The following ALCAM variants were observed in gnomAD, a reference collection of about 807,000 sequenced individuals.
The protein encoded by ALCAM is CD166 antigen.
Under a neutral mutation model 70.9 loss-of-function variants are expected in ALCAM, and 30 were observed. That is an observed-to-expected ratio of 0.42 (90% confidence interval 0.32 to 0.57). ALCAM has a LOEUF of 0.57. ALCAM is among the 20% of genes least tolerant of loss of function. The probability of loss-of-function intolerance (pLI) is 0.11; values close to 1 mark genes in which losing one functional copy is unlikely to be tolerated. For synonymous variants in ALCAM, 249 were observed against 242.5 expected (o/e 1.03, Z -0.25); for missense variants, 591 against 695.1 (o/e 0.85, Z 1.68).
intron 14 of ALCAM, among the ~76,000 whole-genome samples, chr3:105,562,191 C>T (rs943168532): frequency 6.6e-6 from 1 of 152,314 alleles, no homozygotes; most frequent in East Asian, 1.9e-4. Context: ...GATAAGAAAA[C>T]CTGTGTAACT....
At position 105,574,646 on chromosome 3, in the gene ALCAM, A is replaced by G. The variant is rs903318303; in HGVS notation, c.*195A>G. 6.6e-6 allele frequency: 1 copy of G among 152,600 alleles called. No homozygotes were observed. The highest frequency in any genetic ancestry group is 2.4e-5 in the African/African-American group (1 of 41,450). The allele number at this position is 152,600 out of a possible 1,614,324, so 9.5% of individuals were successfully genotyped here. On this transcript the variant is annotated 3_prime_UTR_variant, in exon 16 of 16. Coordinates refer to ENST00000306107, the MANE Select transcript of ALCAM (RefSeq NM_001627.4). ...TAAAACAAATGAAATTTAATTACAA[A>G]CAATAAGAACAAGTTTTGGCAGCCA...
rs576502345 is a variant in ALCAM, at chr3:105,368,504, A to G, written c.73+1023A>G. 1.1e-4 allele frequency among the ~76,000 whole-genome samples: 17 copies of G among 151,824 alleles called. No homozygotes were observed. In the East Asian group the frequency reaches 3.1e-3, roughly 28 times the overall value. ...TTTTTTTTTCTATCCCTGCGTAGAC[A>G]GTTGCCAGTTAAACTCCTACTTCCT... On this transcript the variant is annotated intron_variant, in intron 1 of 15. Coordinates refer to ENST00000306107, the MANE Select transcript of ALCAM (RefSeq NM_001627.4).
chr3:105,574,130 C>G (rs1940914524), intron 15 of ALCAM, among the ~76,000 whole-genome samples: 1 of 151,976 alleles, frequency 6.6e-6, no homozygotes, highest in South Asian at 2.1e-4. Flanking sequence ...CGTATAACTT[C>G]TCAATGAAAA....
intron 1 of ALCAM, among the ~76,000 whole-genome samples, chr3:105,417,832 GA>G (rs1936543746): frequency 6.6e-6 from 1 of 151,696 alleles, no homozygotes; most frequent in South Asian, 2.1e-4. Context: ...AGGACATACA[GA>G]AGATAATTTG....
intron 1 of ALCAM, among the ~76,000 whole-genome samples, chr3:105,375,224 T>C (rs554221233): frequency 6.6e-6 from 1 of 152,224 alleles, no homozygotes; most frequent in African/African-American, 2.4e-5. Flanking sequence ...TTGGTATACC[T>C]AAGACTGTCC....
intron 6 of ALCAM, among the ~76,000 whole-genome samples, chr3:105,539,082 C>A (rs1325839667): frequency 2.0e-5 from 3 of 152,110 alleles, no homozygotes; most frequent in African/African-American, 7.2e-5. Context: ...AATATATACA[C>A]ATGCCTCAAT....
chr3:105,540,752 A>G (rs773949756), intron 7 of ALCAM, among the ~76,000 whole-genome samples: 8 of 151,992 alleles, frequency 5.3e-5, no homozygotes, highest in Non-Finnish European at 1.2e-4. Flanking sequence ...TCACTTTCAC[A>G]TTGAGGGAAG....
intron 1 of ALCAM, among the ~76,000 whole-genome samples, chr3:105,403,330 A>C (rs1402326303): frequency 6.6e-6 from 1 of 151,972 alleles, no homozygotes. Flanking sequence ...ACAACCAGGG[A>C]CCCTTATGGT....
At chr3:105,390,341 T>G (rs1576128226) in intron 1 of ALCAM, among the ~76,000 whole-genome samples, 1 of 152,114 alleles carries the variant, frequency 6.6e-6, no homozygotes, top group South Asian at 2.1e-4. Context: ...ATTTCTCTAA[T>G]GATTAGTGAC....
rs2152637165 is a variant in ALCAM at position 105,575,557 on chromosome 3, A to T, written c.*1106A>T. 1 of 152,708 alleles carries T rather than the reference A, an allele frequency of 6.5e-6. No individual in the cohort carries two copies. Among genetic ancestry groups the T allele is most frequent in the African/African-American group, 2.4e-5 (1 of 41,562 alleles). The allele number at this position is 152,708 out of a possible 1,614,324, so 9.5% of individuals were successfully genotyped here. A position where few individuals can be genotyped will look rare whatever the true frequency, so the allele number is the denominator to read the frequency against. On this transcript the variant is annotated 3_prime_UTR_variant, in exon 16 of 16. Transcript: ENST00000306107. ...TTAACTGATACATAATTTATCAAGC[A>T]GTACATGAAAGTGTAATAATAAAAT...
chr3:105,552,062 A>T, intron 12 of ALCAM, 82 bp from the exon 13 acceptor site: 1 of 951,890 alleles, frequency 1.1e-6, no homozygotes, highest in Non-Finnish European at 1.6e-6. Flanking sequence ...GAGTATTATT[A>T]CATCATACTA....
intron 1 of ALCAM, among the ~76,000 whole-genome samples, chr3:105,415,402 T>A (rs1251992247): frequency 6.6e-6 from 1 of 152,108 alleles, no homozygotes; most frequent in Non-Finnish European, 1.5e-5. Flanking sequence ...AAGTAGAAGA[T>A]AAGCTGAGAT....
chr3:105,498,372 TA>T (rs539831147), intron 1 of ALCAM, among the ~76,000 whole-genome samples: 27 of 152,120 alleles, frequency 1.8e-4, no homozygotes, highest in Non-Finnish European at 3.8e-4. Flanking sequence ...TTCTAAAAAG[TA>T]AATGTGTGAA....
At chr3:105,568,878 GT>G (rs1940800228) in intron 14 of ALCAM, among the ~76,000 whole-genome samples, 1 of 150,638 alleles carries the variant, frequency 6.6e-6, no homozygotes, top group Non-Finnish European at 1.5e-5. Context: ...TACACTTGGT[GT>G]TTTGTTTTTT....
At chr3:105,497,817 G>T (rs1306993264) in intron 1 of ALCAM, among the ~76,000 whole-genome samples, 3 of 152,064 alleles carry the variant, frequency 2.0e-5, no homozygotes, top group African/African-American at 7.2e-5. Context: ...GGATCACGAG[G>T]TCGGGAGATC....
intron 1 of ALCAM, among the ~76,000 whole-genome samples, chr3:105,408,760 G>C (rs1189185895): frequency 6.6e-6 from 1 of 152,068 alleles, no homozygotes; most frequent in Non-Finnish European, 1.5e-5. Flanking sequence ...AGAGTAAACA[G>C]ACAACCCACT....
At chr3:105,439,951 CT>C (rs1455228513) in intron 1 of ALCAM, among the ~76,000 whole-genome samples, 4 of 152,146 alleles carry the variant, frequency 2.6e-5, no homozygotes, top group African/African-American at 4.8e-5. Flanking sequence ...GAGATATTTT[CT>C]TTTCTATTCT....
At chr3:105,444,403 A>C (rs1456887069) in intron 1 of ALCAM, among the ~76,000 whole-genome samples, 1 of 152,244 alleles carries the variant, frequency 6.6e-6, no homozygotes, top group African/African-American at 2.4e-5. Flanking sequence ...ACCAGATGTC[A>C]TGACAACTCT....
intron 1 of ALCAM, among the ~76,000 whole-genome samples, chr3:105,463,297 T>C (rs1383062134): frequency 2.0e-5 from 3 of 151,492 alleles, no homozygotes; most frequent in Admixed American, 1.3e-4. Context: ...GATGGTTTTC[T>C]CTTTCATGTT....
Sources: allele counts gnomAD v4.1 joint callset (sites outside exome capture counted in the v4.1 genomes callset), GRCh38; gene constraint gnomAD v4.1.1; transcripts MANE v1.5; gene names NCBI Gene and HGNC (gene_info 2026-07-23, HGNC 2026-07-21).